Variants in SPPL2B observed in about 807,000 individuals in gnomAD.
SPPL2B encodes signal peptide peptidase-like 2B.
In SPPL2B, 39 loss-of-function variants were observed where a neutral mutation model predicts 59.7. The ratio of observed to expected loss-of-function variants is 0.65; its 90% CI spans 0.51 to 0.85. The LOEUF (loss-of-function observed/expected upper bound fraction) is 0.85, where lower values mean the gene tolerates loss of function less well. Among genes scored for constraint, SPPL2B ranks in the 40% least tolerant of loss-of-function variants. The pLI is 0.00. For synonymous variants in SPPL2B, 419 were observed against 370.8 expected, an observed-to-expected ratio of 1.13 and a Z score of -1.49; for missense variants, 865 against 849.0, an observed-to-expected ratio of 1.02 and a Z score of -0.23.
chr19:2,345,255 C>T lies in SPPL2B; in HGVS notation c.1279C>T (p.Leu427=). 6.2e-7 allele frequency: 1 copy of T among 1,612,260 alleles called. No homozygotes were observed. The highest frequency in any genetic ancestry group is 8.5e-7 in the Non-Finnish European group (1 of 1,179,276). The change falls in exon 13 of 15, where the codon CTG becomes TTG. Residue 427 remains leucine, a splice_region_variant and synonymous_variant. Transcript: ENST00000613503. ...LGFGDILVPG[L]LVAYCHRFDI... is the part of the protein sequence containing the mutation. ...CCTCCGCCCTGTGCCTCCCCCAGGG[C>T]TGCTGGTGGCCTACTGCCACAGGTT...
At chr19:2,341,318 G>A (rs753589081) in intron 8 of SPPL2B, 1 of 582,574 alleles carries the variant, frequency 1.7e-6, no homozygotes, top group South Asian at 1.5e-5. Flanking sequence ...CGCTGCCCAG[G>A]GCCACAGTCT....
intron 13 of SPPL2B, among the ~76,000 whole-genome samples, chr19:2,346,375 C>T (rs964450241): frequency 1.3e-5 from 2 of 152,268 alleles, no homozygotes; most frequent in Admixed American, 6.5e-5. Context: ...CCTTTAAAAT[C>T]ACGGCTGAGG....
chr19:2,335,273 CT>C (rs1568429918), intron 2 of SPPL2B, among the ~76,000 whole-genome samples: 1 of 146,674 alleles, frequency 6.8e-6, no homozygotes, highest in Non-Finnish European at 1.5e-5. Context: ...GCCCCGCCTC[CT>C]TTCCCACTGC....
intron 13 of SPPL2B, among the ~76,000 whole-genome samples, chr19:2,347,252 TTC>T (rs376026815): frequency 2.3e-4 from 26 of 112,930 alleles, no homozygotes; most frequent in African/African-American, 7.0e-4. Flanking sequence ...CTTGATGCCG[TTC>T]TCTCTCCACA....
intron 3 of SPPL2B, chr19:2,338,381 G>GAGAA: frequency 5.8e-6 from 1 of 172,722 alleles, no homozygotes; most frequent in Admixed American, 6.0e-5. Flanking sequence ...CGCTGCCGTC[G>GAGAA]TAGTTGAGAG....
In SPPL2B at chr19:2,339,137, C is replaced by T. The variant is rs1451664944; in HGVS notation, c.528C>T (p.Val176=). 3 of 1,593,960 alleles carry T rather than the reference C, an allele frequency of 1.9e-6. No homozygotes were observed. The highest frequency in any genetic ancestry group is 1.8e-5 in the Admixed American group (1 of 56,416). ...PKEPVLDYNM[V]IIFIMAVGTV... ...AGCCGGTGCTGGACTACAACATGGT[C>T]ATCATCTTCATCATGGCTGTGGGCA... Residue 176 remains valine, a synonymous_variant, in exon 5 of 15, where the codon GTC becomes GTT. Transcript: ENST00000613503.
chr19:2,335,867 T>C lies in SPPL2B; in HGVS notation c.186+1146T>C, dbSNP rs1022355304. ...CAGCTTTATGCATAGTGTGTGCGTG[T>C]GAGCACGTGTGTAATCAGTATGTGC... is the stretch of plus-strand genomic sequence containing the variant. On this transcript the variant is annotated intron_variant, in intron 2 of 14. Transcript: ENST00000613503. Among the ~76,000 whole-genome samples, 6 of 152,282 alleles carry C rather than the reference T, an allele frequency of 3.9e-5. 1 individual carries two copies. Among genetic ancestry groups the C allele is most frequent in the African/African-American group, 1.4e-4 (6 of 41,484 alleles).
chr19:2,341,350 G>A (rs747065332), intron 8 of SPPL2B: 2 of 524,188 alleles, frequency 3.8e-6, no homozygotes, highest in South Asian at 1.5e-5. Flanking sequence ...TCCCTTTCCT[G>A]GCACCCACGT....
chr19:2,337,657 C>A, intron 3 of SPPL2B, 32 bp downstream of exon 3: 1 of 1,509,824 alleles, frequency 6.6e-7, no homozygotes, highest in South Asian at 1.3e-5. Context: ...GCTGGGCCAG[C>A]TCTCAGGGGC....
chr19:2,344,360 A>G lies in SPPL2B; in HGVS notation c.1114-2A>G. 1.6e-6 allele frequency: 2 copies of G among 1,277,406 alleles called. No homozygotes were observed. The allele number at this position is 1,277,406 out of a possible 1,614,324, so 79.1% of individuals were successfully genotyped here. ...TCCCTCACTCAACCCCATTCTGTGCAGAGTGGGAGCAGCATCATGGTGGAG... is the reference window on the plus strand; with the variant it reads ...TCCCTCACTCAACCCCATTCTGTGCGGAGTGGGAGCAGCATCATGGTGGAG... On this transcript the variant is annotated splice_acceptor_variant, in intron 10 of 14. Coordinates refer to ENST00000613503, the MANE Select transcript of SPPL2B (RefSeq NM_152988.3). LOFTEE classifies it high-confidence loss of function.
chr19:2,335,360 C>T lies in SPPL2B; in HGVS notation c.186+639C>T, dbSNP rs1393586778. On this transcript the variant is annotated intron_variant, in intron 2 of 14. Transcript: ENST00000613503. ...ATTTCCCACTGCATCCTTCAGGCCC[C>T]GCCTCCTTTCTCACTGCATCCTTCA... is the stretch of plus-strand genomic sequence containing the variant. 3.5e-4 allele frequency among the ~76,000 whole-genome samples: 39 copies of T among 111,890 alleles called. 1 individual carries two copies. Among genetic ancestry groups the T allele is most frequent in the Non-Finnish European group, 4.9e-4 (25 of 51,220 alleles). 73.4% of individuals were successfully genotyped at this position (111,890 alleles called of 152,430 possible).
intron 8 of SPPL2B, chr19:2,341,396 C>G (rs893832336): frequency 2.1e-6 from 1 of 472,834 alleles, no homozygotes; most frequent in African/African-American, 2.0e-5. Context: ...GTGTGGGCAC[C>G]AGGGCACCCG....
In SPPL2B at chr19:2,338,408, C is replaced by T. The variant is rs943038750; in HGVS notation, c.370-344C>T. ...AGTTGAGAGAGGCCCTCAGTGGGTG[C>T]GGGGCTCAAGGCGGCTTAGTGGGCA... On this transcript the variant is annotated intron_variant, in intron 3 of 14. Coordinates refer to ENST00000613503, the MANE Select transcript of SPPL2B (RefSeq NM_152988.3). 12 of 198,584 alleles carry T rather than the reference C, an allele frequency of 6.0e-5. 1 individual carries two copies. Among genetic ancestry groups the T allele is most frequent in the Admixed American group, 1.7e-4 (3 of 17,542 alleles). 12.3% of individuals were successfully genotyped at this position (198,584 alleles called of 1,614,324 possible).
In SPPL2B at chr19:2,339,971, G is replaced by A. The variant is rs777769674; in HGVS notation, c.742+5G>A. The A allele has an allele frequency of 3.2e-6, 5 of 1,552,412 alleles. No homozygotes were observed. Among genetic ancestry groups the A allele is most frequent in the East Asian group, 2.4e-5 (1 of 41,058 alleles). On this transcript the variant is annotated splice_donor_5th_base_variant and intron_variant, in intron 6 of 14. Coordinates refer to ENST00000613503, the MANE Select transcript of SPPL2B (RefSeq NM_152988.3). ...ACTATTTCTACGATCTCCTCGGTGC[G>A]CGGCCCCGGGCGGGTGGGCCGCGGC...
rs555713229 is a variant in SPPL2B, at chr19:2,334,616, C to T, written c.81C>T (p.Tyr27=). Residue 27 remains tyrosine (Y), a synonymous_variant, in exon 2 of 15, where the codon TAC becomes TAT. Transcript: ENST00000613503. Reference sequence around the variant, plus strand: ...TTGTCCTGCAGGTGGCCTGTGAGTACGGCATGGTGCACGTGGTCTCCCAGG... The same window carrying T: ...TTGTCCTGCAGGTGGCCTGTGAGTATGGCATGGTGCACGTGGTCTCCCAGG... ...LLLAAQVACE[Y]GMVHVVSQAG... 35 of 1,612,032 alleles carry T rather than the reference C, an allele frequency of 2.2e-5. No homozygotes were observed. The highest frequency in any genetic ancestry group is 1.6e-4 in the Middle Eastern group (1 of 6,078).
At chr19:2,336,877 G>A (rs932122057) in intron 2 of SPPL2B, among the ~76,000 whole-genome samples, 6 of 148,986 alleles carry the variant, frequency 4.0e-5, no homozygotes, top group Admixed American at 3.3e-4. Context: ...GGGTGTGTGC[G>A]TGTGCACTGG....
Position 2,335,814 on chromosome 19 carries a change from CG to C in SPPL2B, c.186+1095del, listed in dbSNP as rs1227425539. Among the ~76,000 whole-genome samples, 11 of 152,374 alleles carry C rather than the reference CG, an allele frequency of 7.2e-5. No individual in the cohort carries two copies. In the East Asian group the frequency reaches 1.7e-3, roughly 24 times the overall value. ...CCCTCCTGGAGCCCTCGAGGTGTGC[CG>C]GCGAAGAGGCACTAGCATCTTCCTG... On this transcript the variant is annotated intron_variant, in intron 2 of 14. Coordinates refer to ENST00000613503, the MANE Select transcript of SPPL2B (RefSeq NM_152988.3).
At chr19:2,350,797 C>T (rs912568932) in intron 13 of SPPL2B, among the ~76,000 whole-genome samples, 4 of 152,260 alleles carry the variant, frequency 2.6e-5, no homozygotes, top group Admixed American at 6.5e-5. Context: ...CACCAGTTTA[C>T]GTCAGGGACA....
At chr19:2,337,125 G>T (rs1029084383) in intron 2 of SPPL2B, 1 of 274,790 alleles carries the variant, frequency 3.6e-6, no homozygotes, top group Non-Finnish European at 6.8e-6. Flanking sequence ...ATGCCTGGCC[G>T]TGGTGGGGCT....
Sources: allele counts gnomAD v4.1 joint callset (sites outside exome capture counted in the v4.1 genomes callset), GRCh38; gene constraint gnomAD v4.1.1; transcripts MANE v1.5; gene names NCBI Gene and HGNC (gene_info 2026-07-23, HGNC 2026-07-21).